Variants in GABRA5 observed in about 807,000 individuals in gnomAD.
GABRA5 encodes gamma-aminobutyric acid receptor subunit alpha-5.
GABRA5 carries 18 observed loss-of-function variants against 47.3 expected under a neutral mutation model. The ratio of observed to expected loss-of-function variants is 0.38; its 90% CI spans 0.26 to 0.56. The LOEUF is 0.56. Ranked by LOEUF, GABRA5 falls within the 20% of genes least tolerant of loss-of-function variation. The pLI, the probability that GABRA5 is intolerant of heterozygous loss-of-function variation, is 0.71. For synonymous variants in GABRA5, 237 were observed against 229.3 expected, an observed-to-expected ratio of 1.03 and a Z score of -0.30; for missense variants, 365 against 599.3, an observed-to-expected ratio of 0.61 and a Z score of 4.08.
chr15:26,895,826 A>AAAAAAAAAGAAGAAG (rs1458730535), intron 6 of GABRA5, among the ~76,000 whole-genome samples: 3 of 136,018 alleles, frequency 2.2e-5, no homozygotes, highest in African/African-American at 8.6e-5. Context: ...AAAAAAAAAA[A>AAAAAAAAAGAAGAAG]AAGAAGAAGA....
At chr15:26,913,576 G>A (rs978783280) in intron 6 of GABRA5, among the ~76,000 whole-genome samples, 2 of 152,140 alleles carry the variant, frequency 1.3e-5, no homozygotes, top group African/African-American at 4.8e-5. Context: ...TAGCACTACT[G>A]TAACCTTGAA....
chr15:26,920,001 A>C (rs1300199452), intron 7 of GABRA5, among the ~76,000 whole-genome samples: 4 of 151,838 alleles, frequency 2.6e-5, no homozygotes, highest in African/African-American at 9.7e-5. Context: ...ATTTATAACA[A>C]CTGGCTTCTC....
chr15:26,893,715 T>G (rs1893099776), intron 6 of GABRA5, among the ~76,000 whole-genome samples: 1 of 150,686 alleles, frequency 6.6e-6, no homozygotes, highest in Non-Finnish European at 1.5e-5. Flanking sequence ...GGCACAGGAG[T>G]GGGCGAGGGG....
At chr15:26,897,762 A>G (rs1696449849) in intron 6 of GABRA5, among the ~76,000 whole-genome samples, 1 of 152,132 alleles carries the variant, frequency 6.6e-6, no homozygotes, top group Non-Finnish European at 1.5e-5. Context: ...CTCCATCACA[A>G]GTCTCTGATT....
rs149434232 is a variant in GABRA5 at position 26,949,057 on chromosome 15, G to T, written c.*824G>T. ...CTGACCACCTCTCCCTACAGCCAGCGTGTAGTGCTTCAGTGGTGAGAAATT... is the reference window on the plus strand; with the variant it reads ...CTGACCACCTCTCCCTACAGCCAGCTTGTAGTGCTTCAGTGGTGAGAAATT... On this transcript the variant is annotated 3_prime_UTR_variant, in exon 11 of 11. Transcript: ENST00000335625. 2.0e-5 allele frequency: 3 copies of T among 152,114 alleles called. No homozygotes were observed. The highest frequency in any genetic ancestry group is 7.2e-5 in the African/African-American group (3 of 41,418). The allele number at this position is 152,114 out of a possible 1,614,324, so 9.4% of individuals were successfully genotyped here. A position where few individuals can be genotyped will look rare whatever the true frequency, so the allele number is the denominator to read the frequency against.
chr15:26,894,378 G>A (rs1595406143), intron 6 of GABRA5, among the ~76,000 whole-genome samples: 1 of 152,156 alleles, frequency 6.6e-6, no homozygotes, highest in Non-Finnish European at 1.5e-5. Flanking sequence ...CTCACTGCCG[G>A]CCTCGCGGGC....
rs188155217 is a variant in GABRA5, at chr15:26,873,770, C to A, written c.86+4436C>A. 2.9e-3 allele frequency among the ~76,000 whole-genome samples: 448 copies of A among 152,300 alleles called. 2 individuals carry two copies. Among genetic ancestry groups the A allele is most frequent in the Admixed American group, 7.3e-3 (112 of 15,304 alleles). The stretch of plus-strand genomic sequence containing the variant: ...ATGAGGCCCGGGACAGTTATGATAA[C>A]AATTCTGAAAGCACTCAGAAAGCCC... On this transcript the variant is annotated intron_variant, in intron 3 of 10. Coordinates refer to ENST00000335625, the MANE Select transcript of GABRA5 (RefSeq NM_000810.4).
intron 6 of GABRA5, among the ~76,000 whole-genome samples, chr15:26,893,276 TG>T (rs1893065387): frequency 2.1e-5 from 1 of 47,670 alleles, no homozygotes; most frequent in African/African-American, 7.1e-5. Flanking sequence ...ATGGTGTGTG[TG>T]TATGGCATAT....
chr15:26,909,206 G>T (rs112705533), intron 6 of GABRA5, among the ~76,000 whole-genome samples: 1 of 151,984 alleles, frequency 6.6e-6, no homozygotes, highest in African/African-American at 2.4e-5. Flanking sequence ...ATGGTCCTGC[G>T]TCACTCTTGC....
intron 8 of GABRA5, 76 bp downstream of exon 8, chr15:26,937,404 A>C (rs1595434681): frequency 6.8e-7 from 1 of 1,462,776 alleles, no homozygotes. Context: ...TGCTCCCAGC[A>C]CCTCTCTGCA....
intron 10 of GABRA5, among the ~76,000 whole-genome samples, chr15:26,946,801 T>C (rs1046556478): frequency 1.8e-4 from 26 of 145,196 alleles, no homozygotes; most frequent in African/African-American, 5.6e-4. Context: ...AAAAAAAAAC[T>C]TCACAAAAAA....
intron 6 of GABRA5, among the ~76,000 whole-genome samples, chr15:26,894,735 C>T (rs946881232): frequency 6.6e-6 from 1 of 152,068 alleles, no homozygotes; most frequent in African/African-American, 2.4e-5. Flanking sequence ...GAGGAGGTGT[C>T]CCTATTTTGC....
At position 26,948,248 on chromosome 15, in the gene GABRA5, A is replaced by C. The variant is rs1894563730; in HGVS notation, c.*15A>C. The C allele has an allele frequency of 6.2e-7, 1 of 1,606,972 alleles. No homozygotes were observed. The highest frequency in any genetic ancestry group is 2.2e-5 in the East Asian group (1 of 44,844). The stretch of plus-strand genomic sequence containing the variant: ...CTCCAAAATAACCGGCCACACTCCC[A>C]AACTCCAAGACAGCCATACTTCCAG... On this transcript the variant is annotated 3_prime_UTR_variant, in exon 11 of 11. Coordinates refer to ENST00000335625, the MANE Select transcript of GABRA5 (RefSeq NM_000810.4).
At chr15:26,877,012 A>G (rs940370086) in intron 3 of GABRA5, among the ~76,000 whole-genome samples, 5 of 152,184 alleles carry the variant, frequency 3.3e-5, no homozygotes, top group Admixed American at 3.3e-4. Flanking sequence ...TGAGTTGGGC[A>G]GCAGTGCCAA....
intron 10 of GABRA5, among the ~76,000 whole-genome samples, chr15:26,946,329 C>T (rs867740488): frequency 1.3e-5 from 2 of 152,094 alleles, no homozygotes; most frequent in Non-Finnish European, 2.9e-5. Context: ...AAGAGGTTTA[C>T]GGTGAAAACC....
chr15:26,885,155 C>T (rs775492071), intron 6 of GABRA5, among the ~76,000 whole-genome samples: 9 of 151,988 alleles, frequency 5.9e-5, no homozygotes, highest in African/African-American at 2.2e-4. Context: ...AAAAATTAGC[C>T]GGGCGTGGTG....
intron 6 of GABRA5, among the ~76,000 whole-genome samples, chr15:26,913,143 ACTGC>A: frequency 1.3e-5 from 2 of 150,410 alleles, no homozygotes; most frequent in African/African-American, 4.9e-5. Flanking sequence ...AGATTGCGCC[ACTGC>A]ACTCCAGCCT....
intron 6 of GABRA5, among the ~76,000 whole-genome samples, chr15:26,890,856 T>C (rs992867263): frequency 6.6e-6 from 1 of 152,080 alleles, no homozygotes; most frequent in Non-Finnish European, 1.5e-5. Flanking sequence ...ATGTATGAGA[T>C]CTCCTTTTCC....
chr15:26,943,613 G>A (rs1013548826), intron 10 of GABRA5, among the ~76,000 whole-genome samples, 187 bp downstream of exon 10: 9 of 152,166 alleles, frequency 5.9e-5, no homozygotes, highest in Non-Finnish European at 1.0e-4. Flanking sequence ...AGCAAAAGGC[G>A]ATGGGGTGTG....
Sources: gnomAD v4.1 joint callset for allele counts (sites outside exome capture counted in the v4.1 genomes callset) on GRCh38, gnomAD v4.1.1 for gene constraint, MANE v1.5 for transcripts, NCBI Gene and HGNC (gene_info 2026-07-23, HGNC 2026-07-21) for gene names.